CCAR1: variants seen among roughly 807,000 people sequenced by gnomAD.
CCAR1 encodes the protein cell division cycle and apoptosis regulator protein 1.
In CCAR1, 78 loss-of-function variants were observed where a neutral mutation model predicts 163.8. The observed-to-expected ratio is 0.48, with a 90% confidence interval of 0.40 to 0.57. The LOEUF is 0.57. CCAR1 is among the 20% of genes least tolerant of loss of function. The pLI is 0.00. For synonymous variants in CCAR1, 443 were observed against 460.7 expected (o/e 0.96, Z 0.49); for missense variants, 1,019 against 1,365.2 (o/e 0.75, Z 4.00).
intron 19 of CCAR1, among the ~76,000 whole-genome samples, chr10:68,780,626 C>T (rs1310478854): frequency 6.6e-6 from 1 of 152,154 alleles, no homozygotes; most frequent in Non-Finnish European, 1.5e-5. Context: ...AAAGATAGTG[C>T]CTTACGCCAA....
intron 17 of CCAR1, 51 bp downstream of exon 17, chr10:68,766,130 C>T (rs761474987): frequency 2.2e-5 from 23 of 1,067,656 alleles, no homozygotes; most frequent in Non-Finnish European, 1.1e-5. Flanking sequence ...CACATTATGA[C>T]TAGTTAATAT....
intron 15 of CCAR1, 29 bp downstream of exon 15, chr10:68,757,406 A>G (rs2056408520): frequency 3.2e-6 from 4 of 1,245,714 alleles, no homozygotes; most frequent in South Asian, 1.2e-5. Flanking sequence ...GATTTTATTT[A>G]TTTTTTTCAA....
At position 68,726,593 on chromosome 10, in the gene CCAR1, A is replaced by G. The variant is rs192741407; in HGVS notation, c.73+4016A>G. Among the ~76,000 whole-genome samples, 443 of 152,092 alleles carry G rather than the reference A, an allele frequency of 2.9e-3. 3 individuals carry two copies. The highest frequency in any genetic ancestry group is 9.9e-3 in the African/African-American group (411 of 41,436). On this transcript the variant is annotated intron_variant, in intron 2 of 24. Transcript: ENST00000265872. Reference sequence around the variant, plus strand: ...TTATTATTTTAAATTCTAACTGCTTACTTTTATTTGTTTTTCTCTCTTAGT... The same window carrying G: ...TTATTATTTTAAATTCTAACTGCTTGCTTTTATTTGTTTTTCTCTCTTAGT...
intron 10 of CCAR1, among the ~76,000 whole-genome samples, chr10:68,752,743 G>GTA (rs949328143): frequency 4.6e-5 from 7 of 152,080 alleles, no homozygotes; most frequent in Non-Finnish European, 8.8e-5. Flanking sequence ...TAGTGCACCC[G>GTA]TAGTCCTAGC....
rs45543532 is a variant in CCAR1, at chr10:68,771,286, T to C, written c.2379T>C (p.Leu793=). Residue 793 remains leucine (L), a synonymous_variant, in exon 18 of 25, where the codon CTT becomes CTC. Coordinates refer to ENST00000265872, the MANE Select transcript of CCAR1 (RefSeq NM_018237.4). ...GTATATACAAATCATTACTGTCTCTTCCTGAGAAAGAGGACAAAAAAGAAA... is the reference window on the plus strand; with the variant it reads ...GTATATACAAATCATTACTGTCTCTCCCTGAGAAAGAGGACAAAAAAGAAA... ...GVRIYKSLLS[L]PEKEDKKEKD... 3.8e-4 allele frequency: 603 copies of C among 1,606,674 alleles called. 1 individual carries two copies. Among genetic ancestry groups the C allele is most frequent in the Non-Finnish European group, 4.8e-4 (567 of 1,176,896 alleles).
At chr10:68,761,566 A>T (rs1296006522) in intron 16 of CCAR1, among the ~76,000 whole-genome samples, 1 of 151,918 alleles carries the variant, frequency 6.6e-6, no homozygotes, top group Non-Finnish European at 1.5e-5. Flanking sequence ...CAGCCTCCCA[A>T]AGTGCTGGGA....
intron 23 of CCAR1, 44 bp downstream of exon 23, chr10:68,788,372 T>A: frequency 7.2e-7 from 1 of 1,398,108 alleles, no homozygotes; most frequent in Non-Finnish European, 9.6e-7. Flanking sequence ...AGCACCCTGC[T>A]GGGACACGTA....
intron 2 of CCAR1, among the ~76,000 whole-genome samples, chr10:68,725,237 G>A (rs1448995942): frequency 1.3e-5 from 2 of 152,014 alleles, no homozygotes; most frequent in African/African-American, 4.8e-5. Flanking sequence ...GGCGGAGGTG[G>A]GCATATCACT....
At chr10:68,727,010 A>T (rs1173701304) in intron 2 of CCAR1, among the ~76,000 whole-genome samples, 1 of 150,258 alleles carries the variant, frequency 6.7e-6, no homozygotes. Context: ...AAATAAAAAT[A>T]AAAAAATAAA....
At chr10:68,761,832 C>T (rs2056475175) in intron 16 of CCAR1, among the ~76,000 whole-genome samples, 1 of 151,168 alleles carries the variant, frequency 6.6e-6, no homozygotes, top group South Asian at 2.1e-4. Flanking sequence ...GAACTCCTGA[C>T]CTCAGGTGAT....
chr10:68,754,179 C>A, intron 11 of CCAR1, 102 bp downstream of exon 11: 1 of 732,700 alleles, frequency 1.4e-6, no homozygotes, highest in East Asian at 2.6e-5. Context: ...TAGGTAGACC[C>A]GAATACCTGT....
intron 15 of CCAR1, among the ~76,000 whole-genome samples, chr10:68,758,503 AGTGTGTGTGTGTGTGT>A (rs71028777): frequency 1.6e-4 from 20 of 124,608 alleles, no homozygotes; most frequent in East Asian, 5.1e-4. Flanking sequence ...CATCCTGGGC[AGTGTGTGTGTGTGTGT>A]GTGTGTGTGT....
Position 68,786,591 on chromosome 10 carries a change from A to G in CCAR1, c.2779A>G (p.Met927Val). The G allele has an allele frequency of 6.3e-7, 1 of 1,599,758 alleles. No homozygotes were observed. The highest frequency in any genetic ancestry group is 8.5e-7 in the Non-Finnish European group (1 of 1,173,616). The stretch of plus-strand genomic sequence containing the variant: ...GATCACAATTAACAGAGATCTGTTA[A>G]TGGCTTTTGTTTATTTTGATCAAAG... ...QMITINRDLL[M>V]AFVYFDQSHC... is the part of the protein sequence containing the mutation. Residue 927 changes from methionine to valine, a missense_variant, in exon 21 of 25, where the codon ATG becomes GTG. Transcript: ENST00000265872.
intron 5 of CCAR1, 140 bp downstream of exon 5, chr10:68,740,801 GGTA>G (rs1415196096): frequency 3.5e-5 from 21 of 591,720 alleles, no homozygotes; most frequent in East Asian, 2.9e-4. Context: ...GCTAAATAAA[GGTA>G]GTAGTATGCT....
At position 68,789,930 on chromosome 10, in the gene CCAR1, A is replaced by G; in HGVS notation, c.3393+15A>G. On this transcript the variant is annotated intron_variant, in intron 24 of 24. Coordinates refer to ENST00000265872, the MANE Select transcript of CCAR1 (RefSeq NM_018237.4). ...TTCTCAAGAAGGTGAGAAATTTTGT[A>G]CTTTTAACATTTTCTTAGTTTTAAA... 6.7e-7 allele frequency: 1 copy of G among 1,485,588 alleles called. No homozygotes were observed. Among genetic ancestry groups the G allele is most frequent in the Non-Finnish European group, 9.1e-7 (1 of 1,101,084 alleles). The allele number at this position is 1,485,588 out of a possible 1,614,324, so 92.0% of individuals were successfully genotyped here.
rs150766507 is a variant in CCAR1 at position 68,737,975 on chromosome 10, C to G, written c.291+86C>G. Reference sequence around the variant, plus strand: ...AATTGATAGAGAGTTTTATTTCTATCAGCTACCTTAACATGTGATACAAAT... The same window carrying G: ...AATTGATAGAGAGTTTTATTTCTATGAGCTACCTTAACATGTGATACAAAT... On this transcript the variant is annotated intron_variant, in intron 4 of 24. Coordinates refer to ENST00000265872, the MANE Select transcript of CCAR1 (RefSeq NM_018237.4). 1.5e-3 allele frequency: 1,334 copies of G among 895,048 alleles called. 18 individuals carry two copies. The African/African-American group carries it at 0.02, about 13-fold the overall frequency. The allele number at this position is 895,048 out of a possible 1,614,324, so 55.4% of individuals were successfully genotyped here. A position where few individuals can be genotyped will look rare whatever the true frequency, so the allele number is the denominator to read the frequency against.
rs372563479 is a variant in CCAR1, at chr10:68,760,057, C to G, written c.1921-950C>G. Among the ~76,000 whole-genome samples the G allele has an allele frequency of 2.2e-4, 34 of 152,130 alleles. 1 individual carries two copies. The highest frequency in any genetic ancestry group is 3.4e-3 in the Middle Eastern group (1 of 294). Reference sequence around the variant, plus strand: ...ATGTTCCCCATGCTGATTTTAAACTCCTGGCCTCAAGCGATCCTTCCACCT... The same window carrying G: ...ATGTTCCCCATGCTGATTTTAAACTGCTGGCCTCAAGCGATCCTTCCACCT... On this transcript the variant is annotated intron_variant, in intron 15 of 24. Transcript: ENST00000265872.
intron 19 of CCAR1, among the ~76,000 whole-genome samples, chr10:68,784,795 T>C (rs1204912532): frequency 6.6e-6 from 1 of 152,178 alleles, no homozygotes; most frequent in Admixed American, 6.6e-5. Context: ...GCAAAAGGAT[T>C]ACTGCTTGCC....
At position 68,737,021 on chromosome 10, in the gene CCAR1, CGCAGCTGCA is replaced by C. The variant is rs766348083; in HGVS notation, c.229_237del (p.Ala77_Ala79del). The C allele has an allele frequency of 6.2e-7, 1 of 1,613,512 alleles. No individual in the cohort carries two copies. The highest frequency in any genetic ancestry group is 8.5e-7 in the Non-Finnish European group (1 of 1,179,620). ...AAACTGCTGCATTGCAGCAACAAGC[CGCAGCTGCA>C]GCAGCTGCATTACAACAGGTAAATC... On this transcript the variant is annotated inframe_deletion, in exon 3 of 25. Coordinates refer to ENST00000265872, the MANE Select transcript of CCAR1 (RefSeq NM_018237.4).
Sources: allele counts gnomAD v4.1 joint callset (sites outside exome capture counted in the v4.1 genomes callset), GRCh38; gene constraint gnomAD v4.1.1; transcripts MANE v1.5; gene names NCBI Gene and HGNC (gene_info 2026-07-23, HGNC 2026-07-21).